The following SRBD1 variants were observed in gnomAD, a reference collection of about 807,000 sequenced individuals.
The protein encoded by SRBD1 is S1 RNA-binding domain-containing protein 1.
SRBD1 carries 88 observed loss-of-function variants against 115.3 expected under a neutral mutation model. That is an observed-to-expected ratio of 0.76 (90% CI 0.64 to 0.91). The LOEUF is 0.91. Ranked by LOEUF, SRBD1 falls within the 40% of genes least tolerant of loss-of-function variation. SRBD1 has a pLI of 0.00. For synonymous variants in SRBD1, 509 were observed against 407.7 expected (o/e 1.25, Z -2.99); for missense variants, 1,385 against 1,177.4 (o/e 1.18, Z -2.58).
intron 13 of SRBD1, 126 bp from the exon 14 acceptor site, chr2:45,546,965 C>CAGGTTGCT: frequency 1.2e-6 from 1 of 840,748 alleles, no homozygotes; most frequent in Non-Finnish European, 1.9e-6. Flanking sequence ...TACAAGCAAC[C>CAGGTTGCT]TGTCCACTGT....
chr2:45,447,528 G>A (rs1441312514), intron 16 of SRBD1: 1 of 152,128 alleles, frequency 6.6e-6, no homozygotes, highest in East Asian at 1.9e-4. Flanking sequence ...ACCCTCATAA[G>A]GGTATTAAAA....
rs757719538 is a variant in SRBD1, at chr2:45,557,670, C to T, written c.1410-3940G>A. On this transcript the variant is annotated intron_variant, in intron 10 of 20. Transcript: ENST00000263736. ...CACCAAAACAATTCCTGCCCTTCAC[C>T]GGCTTCCTGGGATTTATTGAAGGCA... Among the ~76,000 whole-genome samples the T allele has an allele frequency of 2.6e-5, 4 of 152,148 alleles. No individual in the cohort carries two copies. The East Asian group carries it at 5.8e-4, about 22-fold the overall frequency.
chr2:45,427,022 G>C (rs937553485), intron 16 of SRBD1, among the ~76,000 whole-genome samples: 1 of 152,162 alleles, frequency 6.6e-6, no homozygotes, highest in Non-Finnish European at 1.5e-5. Context: ...ACAGAAGTAG[G>C]CTTCAGAAAG....
At chr2:45,514,525 C>T (rs1192778668) in intron 14 of SRBD1, among the ~76,000 whole-genome samples, 1 of 152,188 alleles carries the variant, frequency 6.6e-6, no homozygotes, top group Non-Finnish European at 1.5e-5. Context: ...CATTCCAACA[C>T]AAGTCATTTA....
chr2:45,594,469 T>C (rs999081486), intron 4 of SRBD1, among the ~76,000 whole-genome samples: 11 of 152,318 alleles, frequency 7.2e-5, no homozygotes, highest in South Asian at 2.1e-4. Flanking sequence ...CTTCTTCAAA[T>C]TCTTATAGTT....
At chr2:45,563,463 G>C (rs903958359) in intron 9 of SRBD1, among the ~76,000 whole-genome samples, 5 of 151,498 alleles carry the variant, frequency 3.3e-5, no homozygotes, top group African/African-American at 1.2e-4. Flanking sequence ...ATAAATAATA[G>C]GGTAAAAATA....
intron 9 of SRBD1, among the ~76,000 whole-genome samples, chr2:45,571,197 C>A (rs1672996079): frequency 6.6e-6 from 1 of 151,974 alleles, no homozygotes; most frequent in African/African-American, 2.4e-5. Flanking sequence ...TGAAGGAGTG[C>A]CCCAACAAAG....
chr2:45,558,025 G>A (rs1395286493), intron 10 of SRBD1, among the ~76,000 whole-genome samples: 1 of 152,168 alleles, frequency 6.6e-6, no homozygotes, highest in Non-Finnish European at 1.5e-5. Context: ...ATAAAGACAG[G>A]CTCTCTCCAC....
chr2:45,418,977 T>C (rs1396774955), intron 17 of SRBD1, among the ~76,000 whole-genome samples: 1 of 152,194 alleles, frequency 6.6e-6, no homozygotes, highest in Non-Finnish European at 1.5e-5. Flanking sequence ...CTGTTCTCAG[T>C]AATATAGAGC....
At chr2:45,428,378 G>A (rs914947888) in intron 16 of SRBD1, among the ~76,000 whole-genome samples, 6 of 152,020 alleles carry the variant, frequency 3.9e-5, no homozygotes, top group African/African-American at 1.2e-4. Context: ...GTGAAACCCT[G>A]TCTCTACTAA....
At chr2:45,610,277 G>A (rs1237650402) in intron 1 of SRBD1, among the ~76,000 whole-genome samples, 1 of 151,566 alleles carries the variant, frequency 6.6e-6, no homozygotes, top group Non-Finnish European at 1.5e-5. Flanking sequence ...AATTAAAATT[G>A]GAAAAAAAAA....
intron 9 of SRBD1, among the ~76,000 whole-genome samples, chr2:45,571,868 A>C (rs1673030227): frequency 6.6e-6 from 1 of 152,134 alleles, no homozygotes; most frequent in Non-Finnish European, 1.5e-5. Flanking sequence ...AAGAAAAGAA[A>C]GCAACAGAGG....
chr2:45,588,917 C>G (rs546580970), intron 4 of SRBD1, among the ~76,000 whole-genome samples: 35 of 152,270 alleles, frequency 2.3e-4, no homozygotes, highest in South Asian at 4.1e-4. Flanking sequence ...AGACAGTTTT[C>G]TTTCATTGTA....
chr2:45,392,023 C>T (rs1225724779), intron 20 of SRBD1, among the ~76,000 whole-genome samples: 1 of 152,148 alleles, frequency 6.6e-6, no homozygotes, highest in African/African-American at 2.4e-5. Context: ...ATGGATTTGT[C>T]TGCTGAAACA....
chr2:45,486,717 C>T (rs901474501), intron 15 of SRBD1, among the ~76,000 whole-genome samples: 2 of 150,420 alleles, frequency 1.3e-5, no homozygotes, highest in African/African-American at 2.5e-5. Flanking sequence ...TGGGTGACAG[C>T]GAGACCCCAT....
intron 16 of SRBD1, among the ~76,000 whole-genome samples, chr2:45,452,265 GATTT>G (rs796202617): frequency 3.3e-5 from 5 of 151,940 alleles, no homozygotes; most frequent in African/African-American, 1.2e-4. Context: ...CTTAACTGCA[GATTT>G]ATTTAATTGC....
intron 16 of SRBD1, chr2:45,448,054 AG>A (rs1401397995): frequency 2.0e-5 from 3 of 152,204 alleles, no homozygotes; most frequent in Admixed American, 2.0e-4. Flanking sequence ...AAACAGGAAA[AG>A]CAATTGTTAC....
chr2:45,541,110 G>A (rs1199460595), intron 14 of SRBD1, among the ~76,000 whole-genome samples: 1 of 152,250 alleles, frequency 6.6e-6, no homozygotes, highest in Non-Finnish European at 1.5e-5. Flanking sequence ...AGCGGTGTGT[G>A]AGTGAGCACA....
intron 16 of SRBD1, among the ~76,000 whole-genome samples, chr2:45,452,687 G>T (rs1042205861): frequency 6.6e-6 from 1 of 151,860 alleles, no homozygotes; most frequent in South Asian, 2.1e-4. Context: ...AGCATTCATA[G>T]ATCTTCCTAT....
Sources: allele counts gnomAD v4.1 joint callset (sites outside exome capture counted in the v4.1 genomes callset), GRCh38; gene constraint gnomAD v4.1.1; transcripts MANE v1.5; gene names NCBI Gene and HGNC (gene_info 2026-07-23, HGNC 2026-07-21).